Variants in OSBPL1A observed in about 807,000 individuals in gnomAD.
OSBPL1A encodes oxysterol binding protein like 1A.
In OSBPL1A, 80 loss-of-function variants were observed where a neutral mutation model predicts 137.1. The observed-to-expected ratio is 0.58, with a 90% CI of 0.49 to 0.70. The LOEUF is 0.70. Among genes scored for constraint, OSBPL1A ranks in the 30% least tolerant of loss-of-function variants. The pLI is 0.00. For synonymous variants in OSBPL1A, 365 were observed against 389.7 expected (o/e 0.94, Z 0.75); for missense variants, 970 against 1,129.4 (o/e 0.86, Z 2.02).
intron 18 of OSBPL1A, among the ~76,000 whole-genome samples, chr18:24,188,566 A>G (rs1423151900): frequency 6.6e-6 from 1 of 152,246 alleles, no homozygotes; most frequent in African/African-American, 2.4e-5. Flanking sequence ...GTAACTCAGA[A>G]TGAACGCATT....
intron 17 of OSBPL1A, among the ~76,000 whole-genome samples, chr18:24,215,130 T>C (rs1286465062): frequency 1.3e-5 from 2 of 152,214 alleles, no homozygotes; most frequent in Non-Finnish European, 2.9e-5. Context: ...TTCCCTTCTG[T>C]TTCCTTTTGG....
intron 1 of OSBPL1A, among the ~76,000 whole-genome samples, chr18:24,382,048 AC>A (rs1906622907): frequency 6.6e-6 from 1 of 152,002 alleles, no homozygotes; most frequent in African/African-American, 2.4e-5. Flanking sequence ...TAAAAATATT[AC>A]AGAAGACCCA....
intron 14 of OSBPL1A, among the ~76,000 whole-genome samples, chr18:24,285,838 C>T (rs1010179251): frequency 3.9e-5 from 6 of 152,068 alleles, no homozygotes; most frequent in Non-Finnish European, 5.9e-5. Context: ...CTGATCTAAC[C>T]TAAATGATTG....
chr18:24,195,955 C>G (rs2087018707), intron 18 of OSBPL1A, 170 bp downstream of exon 18: 2 of 600,340 alleles, frequency 3.3e-6, no homozygotes, highest in Admixed American at 6.0e-5. Context: ...TAGAGCAGCT[C>G]AAATTCTTGT....
chr18:24,366,672 C>T (rs1273178844), intron 4 of OSBPL1A: 6 of 401,180 alleles, frequency 1.5e-5, no homozygotes, highest in Non-Finnish European at 2.7e-5. Flanking sequence ...GAATGATCTC[C>T]TCACAGGGAT....
Position 24,323,408 on chromosome 18 carries a change from C to CCAGGTGCGGTGGCGCATGCCTGT in OSBPL1A, c.626-4600_626-4599insACAGGCATGCGCCACCGCACCTG, listed in dbSNP as rs368434326. Among the ~76,000 whole-genome samples the CCAGGTGCGGTGGCGCATGCCTGT allele has an allele frequency of 3.8e-3, 382 of 100,204 alleles. 23 individuals carry two copies. Among genetic ancestry groups the CCAGGTGCGGTGGCGCATGCCTGT allele is most frequent in the Middle Eastern group, 0.027 (5 of 188 alleles). The allele number at this position is 100,204 out of a possible 152,430, so 65.7% of individuals were successfully genotyped here. A position where few individuals can be genotyped will look rare whatever the true frequency, so the allele number is the denominator to read the frequency against. On this transcript the variant is annotated intron_variant, in intron 7 of 27. Coordinates refer to ENST00000319481, the MANE Select transcript of OSBPL1A (RefSeq NM_080597.4). ...TTTCTACTAAAAATACAAAAATTAG[C>CCAGGTGCGGTGGCGCATGCCTGT]AGAGACGGGGTTTCACCATCTTGGC... is the stretch of plus-strand genomic sequence containing the variant.
intron 18 of OSBPL1A, among the ~76,000 whole-genome samples, chr18:24,193,698 T>A (rs1246692534): frequency 6.6e-6 from 1 of 152,176 alleles, no homozygotes; most frequent in Non-Finnish European, 1.5e-5. Flanking sequence ...TCAGAACATT[T>A]GTCTCCTATG....
At chr18:24,392,682 C>A (rs751893525) in intron 1 of OSBPL1A, among the ~76,000 whole-genome samples, 2 of 152,074 alleles carry the variant, frequency 1.3e-5, no homozygotes, top group African/African-American at 2.4e-5. Flanking sequence ...CTTAGCCCTG[C>A]GCTCCAAAGT....
At chr18:24,315,002 C>T (rs1275327245) in intron 11 of OSBPL1A, among the ~76,000 whole-genome samples, 1 of 152,172 alleles carries the variant, frequency 6.6e-6, no homozygotes, top group Admixed American at 6.5e-5. Context: ...AAGACCCTAT[C>T]AGAGGCCCCC....
At chr18:24,204,189 G>C (rs2087302010) in intron 17 of OSBPL1A, among the ~76,000 whole-genome samples, 1 of 152,174 alleles carries the variant, frequency 6.6e-6, no homozygotes, top group South Asian at 2.1e-4. Context: ...CCACCAGAAA[G>C]AGTTGGTGTT....
intron 4 of OSBPL1A, among the ~76,000 whole-genome samples, chr18:24,345,706 AAAG>A (rs1186231259): frequency 6.6e-6 from 1 of 152,094 alleles, no homozygotes; most frequent in Non-Finnish European, 1.5e-5. Context: ...AGTAGTTGAT[AAAG>A]GAGATGTAGA....
intron 26 of OSBPL1A, among the ~76,000 whole-genome samples, chr18:24,165,816 G>A (rs769877387): frequency 4.6e-5 from 7 of 152,186 alleles, no homozygotes; most frequent in Non-Finnish European, 1.0e-4. Flanking sequence ...ATAAAAATGG[G>A]CTGGGTACAG....
intron 17 of OSBPL1A, among the ~76,000 whole-genome samples, chr18:24,221,253 C>T (rs1170141589): frequency 1.3e-5 from 2 of 152,158 alleles, no homozygotes; most frequent in Admixed American, 6.6e-5. Flanking sequence ...TTCGTGGGTG[C>T]ATTCCTTGTG....
intron 16 of OSBPL1A, among the ~76,000 whole-genome samples, chr18:24,236,559 G>T (rs1013174917): frequency 2.0e-5 from 3 of 152,188 alleles, no homozygotes; most frequent in African/African-American, 7.2e-5. Context: ...AAGATTTTTA[G>T]TAGGAAATAG....
At chr18:24,187,113 C>T (rs2086769394) in intron 18 of OSBPL1A, among the ~76,000 whole-genome samples, 1 of 152,090 alleles carries the variant, frequency 6.6e-6, no homozygotes, top group African/African-American at 2.4e-5. Flanking sequence ...TAGTCCACTC[C>T]TAAGTTCCAG....
At chr18:24,360,424 G>A (rs764905143) in intron 4 of OSBPL1A, among the ~76,000 whole-genome samples, 3 of 152,126 alleles carry the variant, frequency 2.0e-5, no homozygotes, top group African/African-American at 4.8e-5. Flanking sequence ...ACATAGGAAT[G>A]AGATAACTTG....
intron 13 of OSBPL1A, among the ~76,000 whole-genome samples, chr18:24,308,851 G>A (rs1204204872): frequency 2.0e-5 from 3 of 151,814 alleles, no homozygotes; most frequent in Non-Finnish European, 2.9e-5. Context: ...CAACCTGTGC[G>A]CCCCGCCCCG....
intron 21 of OSBPL1A, among the ~76,000 whole-genome samples, chr18:24,173,344 T>C (rs2086340866): frequency 6.6e-6 from 1 of 151,990 alleles, no homozygotes; most frequent in Non-Finnish European, 1.5e-5. Flanking sequence ...ATGACAACAG[T>C]TTACCAACAG....
intron 15 of OSBPL1A, among the ~76,000 whole-genome samples, chr18:24,278,032 A>C (rs1214214145): frequency 6.6e-6 from 1 of 152,054 alleles, no homozygotes. Context: ...CCCACACCCA[A>C]CTCTGAGGTG....
Sources: allele counts gnomAD v4.1 joint callset (sites outside exome capture counted in the v4.1 genomes callset), GRCh38; gene constraint gnomAD v4.1.1; transcripts MANE v1.5; gene names NCBI Gene and HGNC (gene_info 2026-07-23, HGNC 2026-07-21).